GLIS3: variants seen among roughly 807,000 people sequenced by gnomAD.
GLIS3 encodes the protein zinc finger protein GLIS3.
A neutral mutation model predicts 78.6 loss-of-function variants in GLIS3; 53 were observed. The ratio of observed to expected loss-of-function variants is 0.67; its 90% CI spans 0.54 to 0.85. The LOEUF is 0.85. GLIS3 is among the 40% of genes least tolerant of loss of function. The pLI is 0.00. For missense variants in GLIS3, 1,703 were observed against 1,231.1 expected (o/e 1.38, Z -5.74); for synonymous variants, 684 against 509.9 (o/e 1.34, Z -4.60).
At chr9:4,404,505 A>G in the GLIS3 span, among the ~76,000 whole-genome samples, 107,763 of 152,148 alleles carry the variant, frequency 0.71, 38,275 homozygotes, top group South Asian at 0.79. Flanking sequence ...AAAAATTAAA[A>G]TAATATCAAG....
In GLIS3 at chr9:3,856,125, G is replaced by A. The variant is rs1287059738; in HGVS notation, c.2357C>T (p.Ser786Phe). Residue 786 changes from serine to phenylalanine, a missense_variant, in exon 9 of 11, where the codon TCT becomes TTT. Transcript: ENST00000381971. ...AGGCTGTGTTCTTTGCAGTATTGAA[G>A]AAGGAGCTGGAACTCTCCGGGGGCT... ...HISPRRVPAPSSILQRTQPPY... is the reference protein window; with the variant it reads ...HISPRRVPAPFSILQRTQPPY... The A allele has an allele frequency of 1.2e-6, 2 of 1,614,052 alleles. No homozygotes were observed. The highest frequency in any genetic ancestry group is 2.2e-5 in the East Asian group (1 of 44,884).
intron 2 of GLIS3, among the ~76,000 whole-genome samples, chr9:4,130,530 G>T (rs1480566254): frequency 6.6e-6 from 1 of 152,224 alleles, no homozygotes. Context: ...GCTCAAAGGG[G>T]CCCAGGTACA....
At chr9:4,247,505 G>A (rs1332169054) in intron 2 of GLIS3, among the ~76,000 whole-genome samples, 2 of 152,030 alleles carry the variant, frequency 1.3e-5, no homozygotes, top group Admixed American at 6.6e-5. Flanking sequence ...TATGTTCTGG[G>A]GGTTAACAGA....
At chr9:4,426,107 T>G in the GLIS3 span, among the ~76,000 whole-genome samples, 1 of 152,210 alleles carries the variant, frequency 6.6e-6, no homozygotes, top group Non-Finnish European at 1.5e-5. Flanking sequence ...CACCCATCCA[T>G]GAGTCCAGAG....
intron 2 of GLIS3, among the ~76,000 whole-genome samples, chr9:4,342,090 C>T (rs1488262181): frequency 6.6e-6 from 1 of 152,124 alleles, no homozygotes; most frequent in African/African-American, 2.4e-5. Context: ...TGTGCAGAGG[C>T]TCTTTAGTTT....
intron 4 of GLIS3, among the ~76,000 whole-genome samples, chr9:3,949,040 A>G (rs765884716): frequency 2.0e-5 from 3 of 152,226 alleles, no homozygotes; most frequent in Admixed American, 1.3e-4. Flanking sequence ...AAGAGCCTCA[A>G]CTAGGATCAT....
chr9:4,171,077 G>A (rs1432563961), intron 2 of GLIS3, among the ~76,000 whole-genome samples: 1 of 152,164 alleles, frequency 6.6e-6, no homozygotes, highest in Non-Finnish European at 1.5e-5. Context: ...TATGGTGAAT[G>A]CACTTTGATG....
chr9:3,993,040 C>T (rs965882414), intron 4 of GLIS3, among the ~76,000 whole-genome samples: 5 of 152,174 alleles, frequency 3.3e-5, no homozygotes, highest in African/African-American at 9.7e-5. Context: ...TGGCTTTACA[C>T]GTGAGCCAGA....
rs1185830960 is a variant in GLIS3 at position 4,033,886 on chromosome 9, A to AAAAAAAC, written c.1710+83881_1710+83882insGTTTTTT. Among the ~76,000 whole-genome samples the AAAAAAAC allele has an allele frequency of 1.3e-3, 196 of 149,706 alleles. 1 individual carries two copies. Among genetic ancestry groups the AAAAAAAC allele is most frequent in the African/African-American group, 4.6e-3 (185 of 40,020 alleles). ...GGATAAAAAAAAAAAAAAAAAAAAA[A>AAAAAAAC]AAAACTAGAATGAGATAGGTCCTAT... On this transcript the variant is annotated intron_variant, in intron 4 of 10. Transcript: ENST00000381971.
the GLIS3 span, among the ~76,000 whole-genome samples, chr9:4,396,518 TG>T: frequency 6.6e-6 from 1 of 152,234 alleles, no homozygotes; most frequent in Non-Finnish European, 1.5e-5. Context: ...AACTCTGGAC[TG>T]ATTACTTTGA....
chr9:3,914,457 G>C (rs889047074), intron 6 of GLIS3, among the ~76,000 whole-genome samples: 2 of 151,530 alleles, frequency 1.3e-5, no homozygotes, highest in Non-Finnish European at 2.9e-5. Context: ...ATGAGCCTCT[G>C]CGCCCAGCCA....
intron 2 of GLIS3, among the ~76,000 whole-genome samples, chr9:4,328,396 G>C (rs1177337885): frequency 1.3e-5 from 2 of 152,136 alleles, no homozygotes; most frequent in Admixed American, 6.5e-5. Context: ...ATGGCTCAGA[G>C]AGTCAGGAAA....
the GLIS3 span, among the ~76,000 whole-genome samples, chr9:4,376,848 A>G: frequency 7.4e-6 from 1 of 135,316 alleles, no homozygotes; most frequent in African/African-American, 2.6e-5. Flanking sequence ...CAGTCTTTGC[A>G]GAAGGTGACT....
At chr9:4,380,469 A>G in the GLIS3 span, among the ~76,000 whole-genome samples, 1 of 152,242 alleles carries the variant, frequency 6.6e-6, no homozygotes, top group Non-Finnish European at 1.5e-5. Context: ...GCACCAAAGA[A>G]GATAAAAATT....
intron 9 of GLIS3, among the ~76,000 whole-genome samples, chr9:3,848,494 C>A (rs1187017087): frequency 6.6e-6 from 1 of 152,176 alleles, no homozygotes; most frequent in Non-Finnish European, 1.5e-5. Flanking sequence ...AAGAGCGAAA[C>A]TCTGTCTCAA....
chr9:4,435,749 A>G, the GLIS3 span, among the ~76,000 whole-genome samples: 6 of 152,152 alleles, frequency 3.9e-5, no homozygotes, highest in South Asian at 2.1e-4. Flanking sequence ...GGAGATGGAG[A>G]CCATCCTGGC....
the GLIS3 span, among the ~76,000 whole-genome samples, chr9:4,371,439 T>A: frequency 6.6e-6 from 1 of 152,198 alleles, no homozygotes; most frequent in East Asian, 1.9e-4. Context: ...TGAACTTCTG[T>A]ATGTGGCCTG....
At position 4,070,710 on chromosome 9, in the gene GLIS3, T is replaced by C. The variant is rs533650214; in HGVS notation, c.1710+47058A>G. On this transcript the variant is annotated intron_variant, in intron 4 of 10. Coordinates refer to ENST00000381971, the MANE Select transcript of GLIS3 (RefSeq NM_001042413.2). ...TATTACTCTGCCCCAAATATCCAAA[T>C]TGTTATATCCCAAAGCAAGTAATCA... 3.9e-5 allele frequency among the ~76,000 whole-genome samples: 6 copies of C among 152,332 alleles called. No individual in the cohort carries two copies. In the South Asian group the frequency reaches 6.2e-4, roughly 16 times the overall value.
intron 4 of GLIS3, among the ~76,000 whole-genome samples, chr9:4,038,595 T>A (rs999544381): frequency 1.3e-5 from 2 of 152,180 alleles, no homozygotes; most frequent in African/African-American, 4.8e-5. Flanking sequence ...CATGTCTCTT[T>A]AACGTTTTTA....
Sources: allele counts gnomAD v4.1 joint callset (sites outside exome capture counted in the v4.1 genomes callset), GRCh38; gene constraint gnomAD v4.1.1; transcripts MANE v1.5; gene names NCBI Gene and HGNC (gene_info 2026-07-23, HGNC 2026-07-21).